CHUK: variants seen among roughly 807,000 people sequenced by gnomAD.
CHUK encodes inhibitor of nuclear factor kappa-B kinase subunit alpha.
CHUK carries 35 observed loss-of-function variants against 104.8 expected under a neutral mutation model. The ratio of observed to expected loss-of-function variants is 0.33; its 90% CI spans 0.26 to 0.44. The LOEUF is 0.44. Ranked by LOEUF, CHUK falls within the 20% of genes least tolerant of loss-of-function variation. CHUK has a pLI of 1.00. For missense variants in CHUK, 663 were observed against 902.7 expected (o/e 0.73, Z 3.40); for synonymous variants, 276 against 291.9 (o/e 0.95, Z 0.56).
At chr10:100,211,810 C>T (rs1845734927) in intron 9 of CHUK, among the ~76,000 whole-genome samples, 1 of 152,082 alleles carries the variant, frequency 6.6e-6, no homozygotes, top group Non-Finnish European at 1.5e-5. Context: ...GCAAATATCT[C>T]TTCACAAGCC....
chr10:100,224,052 A>G (rs1360461514), intron 2 of CHUK, among the ~76,000 whole-genome samples: 1 of 152,054 alleles, frequency 6.6e-6, no homozygotes, highest in Non-Finnish European at 1.5e-5. Context: ...AAGATCATAA[A>G]AGATACGTCG....
chr10:100,217,560 C>G (rs1414959308), intron 9 of CHUK, among the ~76,000 whole-genome samples: 1 of 152,030 alleles, frequency 6.6e-6, no homozygotes, highest in Non-Finnish European at 1.5e-5. Context: ...AAAAAATCAG[C>G]TCTAAGAATA....
At chr10:100,226,288 A>T (rs1294787897) in intron 1 of CHUK, among the ~76,000 whole-genome samples, 1 of 152,098 alleles carries the variant, frequency 6.6e-6, no homozygotes, top group Non-Finnish European at 1.5e-5. Flanking sequence ...ACTCTCTCTC[A>T]TATATAATGT....
At chr10:100,196,043 A>G (rs1407233005) in intron 16 of CHUK, 1 of 152,202 alleles carries the variant, frequency 6.6e-6, no homozygotes, top group African/African-American at 2.4e-5. Context: ...GGTTCAAGCA[A>G]TTCTCCTGCC....
At position 100,229,504 on chromosome 10, in the gene CHUK, C is replaced by G. The variant is rs1243492982; in HGVS notation, c.29G>C (p.Gly10Ala). MERPPGLRP[G>A]AGGPWEMRER... Reference sequence around the variant, plus strand: ...CCGCATCTCCCAGGGCCCGCCCGCGCCCGGCCGCAGCCCCGGGGGCCGCTC... The same window carrying G: ...CCGCATCTCCCAGGGCCCGCCCGCGGCCGGCCGCAGCCCCGGGGGCCGCTC... Residue 10 changes from glycine to alanine, a missense_variant, in exon 1 of 21, where the codon GGC becomes GCC. By Grantham distance (60) the Gly-to-Ala change is moderately conservative (BLOSUM62 0). Transcript: ENST00000370397. 3 of 1,569,806 alleles carry G rather than the reference C, an allele frequency of 1.9e-6. No individual in the cohort carries two copies. The highest frequency in any genetic ancestry group is 2.6e-6 in the Non-Finnish European group (3 of 1,162,398).
rs776594705 is a variant in CHUK at position 100,218,972 on chromosome 10, C to T, written c.689+36G>A. 1.3e-5 allele frequency: 21 copies of T among 1,612,466 alleles called. No homozygotes were observed. In the South Asian group the frequency reaches 2.2e-4, roughly 17 times the overall value. On this transcript the variant is annotated intron_variant, in intron 7 of 20. Transcript: ENST00000370397. ...AAGACAAATGAAAAAATTTCCATTC[C>T]CATTAAGCATGCCCAAGTTCTCATC...
rs1424383949 is a variant in CHUK at position 100,207,467 on chromosome 10, C to T, written c.1129-135G>A. On this transcript the variant is annotated intron_variant, in intron 10 of 20. Coordinates refer to ENST00000370397, the MANE Select transcript of CHUK (RefSeq NM_001278.5). ...TCAATGTGTATTACCATATCTCTTACAGATAACAGAGTCCAAACTTTTGTT... is the reference window on the plus strand; with the variant it reads ...TCAATGTGTATTACCATATCTCTTATAGATAACAGAGTCCAAACTTTTGTT... 1.8e-5 allele frequency: 11 copies of T among 607,096 alleles called. No homozygotes were observed. In the East Asian group the frequency reaches 2.8e-4, roughly 16 times the overall value. The allele number at this position is 607,096 out of a possible 1,614,324, so 37.6% of individuals were successfully genotyped here.
In CHUK at chr10:100,200,032, A is replaced by G; in HGVS notation, c.1680-12T>C. 1 of 1,600,888 alleles carries G rather than the reference A, an allele frequency of 6.2e-7. No individual in the cohort carries two copies. The highest frequency in any genetic ancestry group is 1.3e-5 in the African/African-American group (1 of 74,812). On this transcript the variant is annotated splice_polypyrimidine_tract_variant and intron_variant, in intron 15 of 20. Coordinates refer to ENST00000370397, the MANE Select transcript of CHUK (RefSeq NM_001278.5). Reference sequence around the variant, plus strand: ...TGGCACGCTGTTCCCTATAAAAGAGAAAACACGCTCTGATAAGTGAAGGTA... The same window carrying G: ...TGGCACGCTGTTCCCTATAAAAGAGGAAACACGCTCTGATAAGTGAAGGTA...
intron 4 of CHUK, 22 bp from the exon 5 acceptor site, chr10:100,220,698 CT>C: frequency 6.6e-7 from 1 of 1,509,830 alleles, no homozygotes; most frequent in African/African-American, 1.4e-5. Context: ...TTAAAATATA[CT>C]TTAAAGTAAC....
chr10:100,205,462 T>A (rs1845568449), intron 11 of CHUK, among the ~76,000 whole-genome samples: 1 of 152,200 alleles, frequency 6.6e-6, no homozygotes, highest in South Asian at 2.1e-4. Flanking sequence ...GAGCTTGAGA[T>A]TATTCCTGTA....
chr10:100,190,538 G>C, intron 20 of CHUK: 1 of 349,070 alleles, frequency 2.9e-6, no homozygotes, highest in South Asian at 2.7e-5. Context: ...TAAAGTACAA[G>C]TCCCATCTTA....
At chr10:100,222,736 A>G (rs1846018760) in intron 3 of CHUK, 130 bp downstream of exon 3, 1 of 670,292 alleles carries the variant, frequency 1.5e-6, no homozygotes, top group Non-Finnish European at 2.7e-6. Context: ...TTCCAATAAA[A>G]CTTTATTTAC....
chr10:100,193,959 A>G, intron 18 of CHUK, 25 bp downstream of exon 18: 1 of 1,600,868 alleles, frequency 6.2e-7, no homozygotes, highest in Non-Finnish European at 8.6e-7. Flanking sequence ...ATGTCACATT[A>G]AATAATTCAT....
rs1564828423 is a variant in CHUK at position 100,192,622 on chromosome 10, A to G, written c.2108+676T>C. 5 of 986,022 alleles carry G rather than the reference A, an allele frequency of 5.1e-6. No individual in the cohort carries two copies. In the South Asian group the frequency reaches 1.4e-4, roughly 28 times the overall value. 61.1% of individuals were successfully genotyped at this position (986,022 alleles called of 1,614,324 possible). ...AAATGCTGGTGCTGTAGAGGTCTCCATGAGTTGTGAGAAAAGCGACAATAC... is the reference window on the plus strand; with the variant it reads ...AAATGCTGGTGCTGTAGAGGTCTCCGTGAGTTGTGAGAAAAGCGACAATAC... On this transcript the variant is annotated intron_variant, in intron 19 of 20. Transcript: ENST00000370397.
intron 9 of CHUK, among the ~76,000 whole-genome samples, chr10:100,214,201 C>T (rs768797638): frequency 6.6e-6 from 1 of 152,152 alleles, no homozygotes; most frequent in Non-Finnish European, 1.5e-5. Flanking sequence ...AGAGGAAATA[C>T]AACCTAAATT....
rs186664811 is a variant in CHUK at position 100,188,525 on chromosome 10, T to C, written c.*1073A>G. On this transcript the variant is annotated 3_prime_UTR_variant, in exon 21 of 21. Coordinates refer to ENST00000370397, the MANE Select transcript of CHUK (RefSeq NM_001278.5). The stretch of plus-strand genomic sequence containing the variant: ...CTTGGGGCAAGTTGTTTCAGAATTA[T>C]GAAATTTTAGATTTTAGAAAAGTAG... 6.5e-6 allele frequency: 1 copy of C among 152,674 alleles called. No homozygotes were observed. The highest frequency in any genetic ancestry group is 6.5e-5 in the Admixed American group (1 of 15,288). The allele number at this position is 152,674 out of a possible 1,614,324, so 9.5% of individuals were successfully genotyped here. A position where few individuals can be genotyped will look rare whatever the true frequency, so the allele number is the denominator to read the frequency against.
intron 9 of CHUK, among the ~76,000 whole-genome samples, chr10:100,215,214 C>CAAAAA (rs913817319): frequency 0.011 from 547 of 51,322 alleles, 12 homozygotes; most frequent in African/African-American, 0.022. Flanking sequence ...GGCTCCATAT[C>CAAAAA]AAAAAAAAAA....
intron 12 of CHUK, 81 bp from the exon 13 acceptor site, chr10:100,204,738 T>C: frequency 8.4e-7 from 1 of 1,195,492 alleles, no homozygotes; most frequent in Non-Finnish European, 1.2e-6. Flanking sequence ...TGTAAAAACA[T>C]AAACTGCCAC....
chr10:100,221,349 C>T (rs1047756568), intron 4 of CHUK, among the ~76,000 whole-genome samples: 10 of 151,984 alleles, frequency 6.6e-5, no homozygotes, highest in Non-Finnish European at 7.4e-5. Flanking sequence ...GCAGGAGAAT[C>T]GCTTGAACCT....
Sources: gnomAD v4.1 joint callset for allele counts (sites outside exome capture counted in the v4.1 genomes callset) on GRCh38, gnomAD v4.1.1 for gene constraint, MANE v1.5 for transcripts, NCBI Gene and HGNC (gene_info 2026-07-23, HGNC 2026-07-21) for gene names.